The following TCERG1L variants were observed in gnomAD, a reference collection of about 807,000 sequenced individuals.
TCERG1L encodes transcription elongation regulator 1-like protein.
A neutral mutation model predicts 56.3 loss-of-function variants in TCERG1L; 37 were observed. The ratio of observed to expected loss-of-function variants is 0.66; its 90% confidence interval spans 0.51 to 0.87. The LOEUF is 0.87. TCERG1L is among the 40% of genes least tolerant of loss of function. TCERG1L has a pLI of 0.00. For missense variants in TCERG1L, 799 were observed against 774.2 expected, an observed-to-expected ratio of 1.03 and a Z score of -0.38; for synonymous variants, 324 against 326.3, an observed-to-expected ratio of 0.99 and a Z score of 0.08.
intron 4 of TCERG1L, among the ~76,000 whole-genome samples, chr10:131,194,621 T>C (rs1353458693): frequency 6.6e-6 from 1 of 152,206 alleles, no homozygotes; most frequent in African/African-American, 2.4e-5. Flanking sequence ...TCCAAAATTA[T>C]ATACTAATTC....
At chr10:131,301,623 T>C (rs1846762292) in intron 3 of TCERG1L, among the ~76,000 whole-genome samples, 2 of 152,022 alleles carry the variant, frequency 1.3e-5, no homozygotes, top group South Asian at 4.1e-4. Flanking sequence ...TTCAATGATT[T>C]GAAAACTGAG....
chr10:131,281,756 T>C (rs1846457191), intron 3 of TCERG1L, among the ~76,000 whole-genome samples: 8 of 144,060 alleles, frequency 5.6e-5, no homozygotes, highest in South Asian at 2.1e-4. Flanking sequence ...CCATCACAAT[T>C]TGTATACCAG....
At chr10:131,143,160 G>A (rs764636920) in intron 7 of TCERG1L, among the ~76,000 whole-genome samples, 1 of 152,188 alleles carries the variant, frequency 6.6e-6, no homozygotes, top group Non-Finnish European at 1.5e-5. Context: ...GTGATAATTT[G>A]TTACAGCAGC....
intron 3 of TCERG1L, among the ~76,000 whole-genome samples, chr10:131,302,221 C>G (rs917635525): frequency 6.6e-6 from 1 of 152,036 alleles, no homozygotes; most frequent in African/African-American, 2.4e-5. Flanking sequence ...GCTGTGTCAA[C>G]TTCTGTGTTC....
rs58892586 is a variant in TCERG1L at position 131,309,834 on chromosome 10, C to CAAAAAAAAAAAA, written c.343-547_343-536dup. 1.5e-3 allele frequency among the ~76,000 whole-genome samples: 77 copies of CAAAAAAAAAAAA among 49,854 alleles called. 6 individuals are homozygous for CAAAAAAAAAAAA. The highest frequency in any genetic ancestry group is 2.2e-3 in the East Asian group (4 of 1,792). The allele number at this position is 49,854 out of a possible 152,430, so 32.7% of individuals were successfully genotyped here. A position where few individuals can be genotyped will look rare whatever the true frequency, so the allele number is the denominator to read the frequency against. ...TCACCAATACAAATAGATTCTATGG[C>CAAAAAAAAAAAA]AAAAAAAAAAAAAAAAAAAAAAAAA... On this transcript the variant is annotated intron_variant, in intron 1 of 11. Coordinates refer to ENST00000368642, the MANE Select transcript of TCERG1L (RefSeq NM_174937.4).
At chr10:131,244,792 G>A (rs1201025944) in intron 4 of TCERG1L, among the ~76,000 whole-genome samples, 4 of 152,280 alleles carry the variant, frequency 2.6e-5, no homozygotes, top group East Asian at 3.9e-4. Context: ...CAACAGTGCC[G>A]TGGACTAGTG....
intron 4 of TCERG1L, among the ~76,000 whole-genome samples, chr10:131,191,351 C>T (rs1845298988): frequency 7.0e-6 from 1 of 143,844 alleles, no homozygotes. Context: ...AAAATACCAA[C>T]ATCATGTGTC....
At chr10:131,234,218 A>C (rs557540226) in intron 4 of TCERG1L, among the ~76,000 whole-genome samples, 1 of 152,156 alleles carries the variant, frequency 6.6e-6, no homozygotes, top group Non-Finnish European at 1.5e-5. Flanking sequence ...TTTTGTTTTG[A>C]TTTTATTTCC....
At chr10:131,262,446 C>T (rs892909698) in intron 3 of TCERG1L, among the ~76,000 whole-genome samples, 8 of 152,302 alleles carry the variant, frequency 5.3e-5, no homozygotes, top group African/African-American at 1.9e-4. Flanking sequence ...CTGATTTTCT[C>T]TCCTTTCTTT....
At position 131,169,182 on chromosome 10, in the gene TCERG1L, C is replaced by T. The variant is rs566351818; in HGVS notation, c.857-2297G>A. ...GGTCTCTGTCCTGATCCTGCAGGGT[C>T]GTCCTGTCCCCACCCCATCTCTGCC... On this transcript the variant is annotated intron_variant, in intron 4 of 11. Coordinates refer to ENST00000368642, the MANE Select transcript of TCERG1L (RefSeq NM_174937.4). 7.3e-4 allele frequency among the ~76,000 whole-genome samples: 111 copies of T among 152,258 alleles called. 1 individual carries two copies. The highest frequency in any genetic ancestry group is 2.0e-3 in the African/African-American group (85 of 41,562).
chr10:131,283,231 C>T (rs1192221877), intron 3 of TCERG1L, among the ~76,000 whole-genome samples: 1 of 152,204 alleles, frequency 6.6e-6, no homozygotes, highest in Non-Finnish European at 1.5e-5. Context: ...ATCAGGCCTC[C>T]AAGAAGTCGA....
At chr10:131,283,365 T>A (rs1444413676) in intron 3 of TCERG1L, among the ~76,000 whole-genome samples, 2 of 152,270 alleles carry the variant, frequency 1.3e-5, no homozygotes, top group African/African-American at 4.8e-5. Context: ...GGGACTGGTC[T>A]GCTCCTGGGT....
At chr10:131,093,380 C>A in intron 11 of TCERG1L, 62 bp from the exon 12 acceptor site, 4 of 1,574,058 alleles carry the variant, frequency 2.5e-6, no homozygotes, top group Admixed American at 1.8e-5. Flanking sequence ...CCCCAGAGAT[C>A]CTGCAGCGGC....
chr10:131,272,423 T>C (rs933613274), intron 3 of TCERG1L, among the ~76,000 whole-genome samples: 2 of 152,230 alleles, frequency 1.3e-5, no homozygotes, highest in Admixed American at 1.3e-4. Context: ...GTTTTGAATG[T>C]GCCAAATAAA....
chr10:131,302,589 C>T (rs1286923943), intron 3 of TCERG1L, among the ~76,000 whole-genome samples: 1 of 149,150 alleles, frequency 6.7e-6, no homozygotes, highest in Non-Finnish European at 1.5e-5. Flanking sequence ...AGATCTTTTA[C>T]TTCCAGGCCC....
rs146302652 is a variant in TCERG1L at position 131,236,340 on chromosome 10, C to T, written c.856+23919G>A. On this transcript the variant is annotated intron_variant, in intron 4 of 11. Transcript: ENST00000368642. ...TTTCCCCCAAACAATTCGATTAAAACTGCCATTTGTTCATCAGCCATGGAA... is the reference window on the plus strand; with the variant it reads ...TTTCCCCCAAACAATTCGATTAAAATTGCCATTTGTTCATCAGCCATGGAA... Among the ~76,000 whole-genome samples the T allele has an allele frequency of 1.4e-3, 214 of 152,310 alleles. 2 individuals carry two copies. The highest frequency in any genetic ancestry group is 5.0e-3 in the African/African-American group (208 of 41,548).
chr10:131,274,652 T>C (rs1846374553), intron 3 of TCERG1L, among the ~76,000 whole-genome samples: 1 of 152,172 alleles, frequency 6.6e-6, no homozygotes, highest in Non-Finnish European at 1.5e-5. Context: ...GGCTTGTTCA[T>C]GATCTGGCTC....
At chr10:131,268,170 G>A (rs1259651999) in intron 3 of TCERG1L, among the ~76,000 whole-genome samples, 2 of 152,226 alleles carry the variant, frequency 1.3e-5, no homozygotes, top group African/African-American at 4.8e-5. Context: ...GCTCTGTGGA[G>A]TGGAAGACCC....
intron 9 of TCERG1L, 56 bp from the exon 10 acceptor site, chr10:131,104,410 C>T (rs979720190): frequency 2.8e-5 from 33 of 1,197,332 alleles, no homozygotes; most frequent in South Asian, 1.1e-4. Context: ...AGCCTGAAGC[C>T]GCCCTGAAAT....
Sources: gnomAD v4.1 joint callset for allele counts (sites outside exome capture counted in the v4.1 genomes callset) on GRCh38, gnomAD v4.1.1 for gene constraint, MANE v1.5 for transcripts, NCBI Gene and HGNC (gene_info 2026-07-23, HGNC 2026-07-21) for gene names.